Variants in ERC1 observed in about 807,000 individuals in gnomAD.
The protein encoded by ERC1 is ELKS/RAB6-interacting/CAST family member 1, also known as RAB6 interacting protein 2.
In ERC1, 56 loss-of-function variants were observed where a neutral mutation model predicts 132.0. That is an observed-to-expected ratio of 0.42 (90% CI 0.34 to 0.53). The LOEUF is 0.53. Among genes scored for constraint, ERC1 ranks in the 20% least tolerant of loss-of-function variants. ERC1 has a pLI of 0.03. For missense variants in ERC1, 1,202 were observed against 1,349.9 expected, an observed-to-expected ratio of 0.89 and a Z score of 1.72; for synonymous variants, 478 against 476.1, an observed-to-expected ratio of 1.00 and a Z score of -0.05.
intron 15 of ERC1, among the ~76,000 whole-genome samples, chr12:1,342,194 G>A (rs1056699202): frequency 1.3e-5 from 2 of 152,090 alleles, no homozygotes; most frequent in Non-Finnish European, 2.9e-5. Flanking sequence ...GCCGGGTGCG[G>A]TGGCTCACGC....
intron 14 of ERC1, among the ~76,000 whole-genome samples, chr12:1,265,817 T>A (rs906285990): frequency 1.3e-5 from 2 of 152,228 alleles, no homozygotes; most frequent in African/African-American, 4.8e-5. Context: ...GTATGTAGCA[T>A]GTTCAGATTG....
intron 12 of ERC1, among the ~76,000 whole-genome samples, chr12:1,226,889 C>G (rs1283596850): frequency 6.6e-6 from 1 of 152,216 alleles, no homozygotes; most frequent in Non-Finnish European, 1.5e-5. Flanking sequence ...GTTGGCCAGG[C>G]TGGCCTCAAA....
At chr12:1,478,142 G>T (rs889614557) in intron 18 of ERC1, among the ~76,000 whole-genome samples, 5 of 152,146 alleles carry the variant, frequency 3.3e-5, no homozygotes, top group African/African-American at 1.2e-4. Context: ...TTCTAAAGTG[G>T]TTATGGCCAT....
At chr12:1,475,606 T>C (rs1255993884) in intron 18 of ERC1, among the ~76,000 whole-genome samples, 1 of 152,144 alleles carries the variant, frequency 6.6e-6, no homozygotes, top group East Asian at 1.9e-4. Flanking sequence ...AGACAGGGAA[T>C]GGCAGGTATG....
At chr12:1,095,257 C>T (rs1440138789) in intron 3 of ERC1, among the ~76,000 whole-genome samples, 1 of 151,948 alleles carries the variant, frequency 6.6e-6, no homozygotes, top group African/African-American at 2.4e-5. Context: ...TGCTGAAATG[C>T]CGTCTCTACT....
At chr12:1,331,463 C>A (rs945204267) in intron 15 of ERC1, among the ~76,000 whole-genome samples, 1 of 152,182 alleles carries the variant, frequency 6.6e-6, no homozygotes, top group Non-Finnish European at 1.5e-5. Context: ...GGGGCTCTTA[C>A]AGATAGTGGT....
chr12:1,272,442 C>A (rs1239049318), intron 14 of ERC1, among the ~76,000 whole-genome samples: 1 of 152,150 alleles, frequency 6.6e-6, no homozygotes, highest in Non-Finnish European at 1.5e-5. Context: ...TACTGTGACT[C>A]AAGGAAATTC....
intron 2 of ERC1, among the ~76,000 whole-genome samples, chr12:1,041,140 CAATA>C (rs1257459545): frequency 2.0e-5 from 3 of 150,710 alleles, no homozygotes; most frequent in Non-Finnish European, 3.0e-5. Context: ...CATTTAGAAA[CAATA>C]AACCTAATAA....
intron 2 of ERC1, among the ~76,000 whole-genome samples, chr12:1,067,314 A>G (rs568627058): frequency 3.2e-4 from 49 of 152,280 alleles, no homozygotes; most frequent in Admixed American, 1.6e-3. Flanking sequence ...AAATTTTACT[A>G]TTGGAAAGTT....
intron 11 of ERC1, among the ~76,000 whole-genome samples, chr12:1,185,735 T>G (rs1052089422): frequency 1.3e-5 from 2 of 151,896 alleles, no homozygotes; most frequent in African/African-American, 2.4e-5. Context: ...TAGGTTGTTT[T>G]TTTTTTTTTT....
rs1334853956 is a variant in ERC1, at chr12:1,024,160, C to T, written c.-156-3588C>T. Among the ~76,000 whole-genome samples the T allele has an allele frequency of 3.3e-5, 5 of 152,206 alleles. No homozygotes were observed. The East Asian group carries it at 7.7e-4, about 23-fold the overall frequency. The stretch of plus-strand genomic sequence containing the variant: ...CTTTGGGAGGCTGAGGCAGGCGAAT[C>T]CGTTGGGCCCAGGAGTTCGAGACCA... On this transcript the variant is annotated intron_variant, in intron 1 of 18. Transcript: ENST00000360905.
At chr12:1,247,023 G>C (rs2076194626) in intron 13 of ERC1, among the ~76,000 whole-genome samples, 3 of 152,138 alleles carry the variant, frequency 2.0e-5, no homozygotes, top group Admixed American at 1.3e-4. Flanking sequence ...CAGCTACTTG[G>C]GAGGCTGAAG....
rs376196464 is a variant in ERC1, at chr12:1,005,770, T to G, written c.-157+14448T>G. Among the ~76,000 whole-genome samples the G allele has an allele frequency of 7.7e-4, 118 of 152,316 alleles. 1 individual carries two copies. In the South Asian group the frequency reaches 0.01, roughly 13 times the overall value. On this transcript the variant is annotated intron_variant, in intron 1 of 18. Transcript: ENST00000360905. ...ATTTGTTAAGTTTGAACTTGACAAA[T>G]GCAGGTAAAGTATAATGATATTATA...
intron 14 of ERC1, among the ~76,000 whole-genome samples, chr12:1,280,045 A>G (rs964251881): frequency 2.0e-5 from 3 of 152,176 alleles, no homozygotes; most frequent in Non-Finnish European, 4.4e-5. Flanking sequence ...CAACTTCTGT[A>G]GCAGGAAGCA....
chr12:1,080,560 G>T (rs751685379), intron 2 of ERC1, among the ~76,000 whole-genome samples: 2 of 152,186 alleles, frequency 1.3e-5, no homozygotes, highest in African/African-American at 2.4e-5. Context: ...CCCACATGTT[G>T]TGGGAGGGCC....
intron 12 of ERC1, among the ~76,000 whole-genome samples, chr12:1,198,941 G>C (rs59680312): frequency 8.8e-6 from 1 of 114,034 alleles, no homozygotes; most frequent in Non-Finnish European, 1.8e-5. Context: ...GGGGATCACA[G>C]TTCAACATGA....
chr12:1,212,629 G>T (rs1957984882), intron 12 of ERC1, among the ~76,000 whole-genome samples: 1 of 152,202 alleles, frequency 6.6e-6, no homozygotes, highest in Non-Finnish European at 1.5e-5. Context: ...CGAACGTTGA[G>T]TAGGACAGGG....
At chr12:1,203,111 G>T (rs999135753) in intron 12 of ERC1, among the ~76,000 whole-genome samples, 47 of 152,342 alleles carry the variant, frequency 3.1e-4, no homozygotes, top group African/African-American at 1.1e-3. Context: ...AGGCTGGAGT[G>T]CAGTGGCACA....
At chr12:1,263,584 A>G (rs1039391705) in intron 14 of ERC1, among the ~76,000 whole-genome samples, 1 of 152,244 alleles carries the variant, frequency 6.6e-6, no homozygotes, top group East Asian at 1.9e-4. Context: ...GTGCTAATGT[A>G]TTGGACGAGA....
Sources: allele counts gnomAD v4.1 joint callset (sites outside exome capture counted in the v4.1 genomes callset), GRCh38; gene constraint gnomAD v4.1.1; transcripts MANE v1.5; gene names NCBI Gene and HGNC (gene_info 2026-07-23, HGNC 2026-07-21).